Variants in AFF2 observed in about 807,000 individuals in gnomAD.
AFF2 encodes AF4/FMR2 family member 2.
A neutral mutation model predicts 76.9 loss-of-function variants in AFF2; 14 were observed. That is an observed-to-expected ratio of 0.18 (90% CI 0.12 to 0.28). The LOEUF is 0.28. AFF2 is among the 10% of genes least tolerant of loss of function. The pLI is 1.00. For synonymous variants in AFF2, 398 were observed against 366.7 expected (o/e 1.09, Z -0.98); for missense variants, 868 against 1,001.1 (o/e 0.87, Z 1.79).
At chrX:148,970,340 C>T (rs1172740487) in intron 15 of AFF2, among the ~76,000 whole-genome samples, 1 of 111,997 alleles carries the variant, frequency 8.9e-6, no homozygotes, top group African/African-American at 3.2e-5. Flanking sequence ...TATAGTTGTA[C>T]TTAATCCTTT....
intron 17 of AFF2, 53 bp from the exon 18 acceptor site, chrX:148,978,309 A>G: frequency 1.1e-6 from 1 of 883,074 alleles, no homozygotes; most frequent in Non-Finnish European, 1.7e-6. Flanking sequence ...TTAACAGTTT[A>G]TAAAGTTTCA....
In AFF2 at chrX:148,998,070, A is replaced by T. The variant is rs893718893; in HGVS notation, c.*6738A>T. 3 of 111,482 alleles carry T rather than the reference A, an allele frequency of 2.7e-5. No homozygotes were observed. Among genetic ancestry groups the T allele is most frequent in the Non-Finnish European group, 5.6e-5 (3 of 53,260 alleles). 9.2% of individuals were successfully genotyped at this position (111,482 alleles called of 1,213,427 possible). ...CTGTAGTGTTGTCTTTGATAAAATG[A>T]ATGTCAGTAGTGAGCCTTTTAGAGA... On this transcript the variant is annotated 3_prime_UTR_variant, in exon 21 of 21. Transcript: ENST00000370460.
rs574101356 is a variant in AFF2, at chrX:148,936,380, T to C, written c.1398-17200T>C. 1.2e-4 allele frequency among the ~76,000 whole-genome samples: 14 copies of C among 112,197 alleles called. No homozygotes were observed. The South Asian group carries it at 5.2e-3, about 42-fold the overall frequency. ...AACTTTGTCTGATGGACAAGGTAAA[T>C]AGAAGTGTAATCAAGTGTCAAGTTA... is the stretch of plus-strand genomic sequence containing the variant. On this transcript the variant is annotated intron_variant, in intron 9 of 20. Coordinates refer to ENST00000370460, the MANE Select transcript of AFF2 (RefSeq NM_002025.4).
At chrX:148,551,239 T>C (rs1014390772) in intron 1 of AFF2, among the ~76,000 whole-genome samples, 1 of 109,912 alleles carries the variant, frequency 9.1e-6, no homozygotes, top group African/African-American at 3.3e-5. Context: ...AAGTGTGGGA[T>C]AATGGCCTGG....
chrX:148,758,833 G>A (rs1412722891), intron 3 of AFF2, among the ~76,000 whole-genome samples: 1 of 111,878 alleles, frequency 8.9e-6, no homozygotes, highest in Non-Finnish European at 1.9e-5. Context: ...TGGAATGATT[G>A]GATCAGAGAG....
At chrX:148,620,570 A>T (rs1183857130) in intron 1 of AFF2, among the ~76,000 whole-genome samples, 1 of 110,208 alleles carries the variant, frequency 9.1e-6, no homozygotes, top group African/African-American at 3.3e-5. Flanking sequence ...TTGGGTTGTA[A>T]TATAGACTGA....
chrX:148,668,295 T>C (rs782141571), intron 3 of AFF2, among the ~76,000 whole-genome samples: 1 of 112,790 alleles, frequency 8.9e-6, no homozygotes, highest in East Asian at 2.8e-4. Context: ...GCATTGAGTG[T>C]CTGTGGCTTT....
chrX:148,661,146 A>T (rs143984014), intron 2 of AFF2, among the ~76,000 whole-genome samples: 56 of 112,674 alleles, frequency 5.0e-4, no homozygotes, highest in Non-Finnish European at 8.1e-4. Flanking sequence ...GTTTCCTTAA[A>T]CAACAGTTTA....
chrX:148,793,520 C>T (rs1352245592), intron 3 of AFF2, among the ~76,000 whole-genome samples: 1 of 111,784 alleles, frequency 8.9e-6, no homozygotes, highest in African/African-American at 3.3e-5. Flanking sequence ...CCTGCTGCTT[C>T]CCAAGAGAAT....
intron 3 of AFF2, among the ~76,000 whole-genome samples, chrX:148,700,985 G>GGAGAGAGAGAGA (rs34108020): frequency 1.2e-5 from 1 of 81,902 alleles, no homozygotes; most frequent in African/African-American, 5.1e-5. Flanking sequence ...AGGTATGATG[G>GGAGAGAGAGAGA]GAGAGAGAGA....
intron 1 of AFF2, among the ~76,000 whole-genome samples, chrX:148,528,938 G>A (rs1247502178): frequency 9.0e-6 from 1 of 110,881 alleles, no homozygotes; most frequent in African/African-American, 3.3e-5. Context: ...GGTCATTAAA[G>A]TAAAAATTTT....
chrX:148,896,698 C>G (rs1443143719), intron 8 of AFF2, among the ~76,000 whole-genome samples: 10 of 111,115 alleles, frequency 9.0e-5, no homozygotes, highest in Non-Finnish European at 1.3e-4. Context: ...CTGAGAGGCT[C>G]CCTTCCTGAA....
At chrX:148,767,754 AC>A in intron 3 of AFF2, among the ~76,000 whole-genome samples, 1 of 112,489 alleles carries the variant, frequency 8.9e-6, no homozygotes, top group Non-Finnish European at 1.9e-5. Context: ...CTTTATTTTC[AC>A]AACTTGCCTT....
intron 1 of AFF2, among the ~76,000 whole-genome samples, chrX:148,590,383 A>G (rs782340041): frequency 1.8e-5 from 2 of 111,190 alleles, no homozygotes; most frequent in East Asian, 5.7e-4. Flanking sequence ...GTGAGCGGGC[A>G]CCTACCTAGA....
chrX:148,951,103 C>T (rs934823682), intron 9 of AFF2, among the ~76,000 whole-genome samples: 1 of 110,535 alleles, frequency 9.0e-6, no homozygotes, highest in Non-Finnish European at 1.9e-5. Context: ...CATCCGAATA[C>T]TAAAATACAT....
At chrX:148,957,488 A>G (rs902544099) in intron 11 of AFF2, among the ~76,000 whole-genome samples, 4 of 111,353 alleles carry the variant, frequency 3.6e-5, no homozygotes, top group African/African-American at 9.8e-5. Flanking sequence ...TGCATACCTA[A>G]TGAGAGTACA....
At chrX:148,595,091 A>AT (rs2053560298) in intron 1 of AFF2, among the ~76,000 whole-genome samples, 1 of 112,061 alleles carries the variant, frequency 8.9e-6, no homozygotes, top group African/African-American at 3.2e-5. Context: ...GAGGGAGAGA[A>AT]TAGGTATCAT....
intron 1 of AFF2, among the ~76,000 whole-genome samples, chrX:148,547,602 C>A (rs1395585737): frequency 2.7e-5 from 3 of 112,121 alleles, no homozygotes; most frequent in Non-Finnish European, 5.6e-5. Flanking sequence ...CTCAAAATTT[C>A]TCTGAGGAAG....
At chrX:148,688,888 C>A (rs2054624773) in intron 3 of AFF2, among the ~76,000 whole-genome samples, 1 of 111,756 alleles carries the variant, frequency 8.9e-6, no homozygotes, top group Non-Finnish European at 1.9e-5. Flanking sequence ...TGAAAAGGTA[C>A]AGTAAAAATA....
Sources: allele counts gnomAD v4.1 joint callset (sites outside exome capture counted in the v4.1 genomes callset), GRCh38; gene constraint gnomAD v4.1.1; transcripts MANE v1.5; gene names NCBI Gene and HGNC (gene_info 2026-07-23, HGNC 2026-07-21).